TEX9: variants seen among roughly 807,000 people sequenced by gnomAD.
TEX9 encodes testis expressed 9.
In TEX9, 74 loss-of-function variants were observed where a neutral mutation model predicts 59.6. That is an observed-to-expected ratio of 1.24 (90% confidence interval 1.03 to 1.51). TEX9 has a LOEUF of 1.51. TEX9 is among the 40% of genes most tolerant of loss of function. The probability of loss-of-function intolerance (pLI) is 0.00; values close to 1 mark genes in which losing one functional copy is unlikely to be tolerated. For missense variants in TEX9, 522 were observed against 447.8 expected (o/e 1.17, Z -1.49); for synonymous variants, 186 against 152.2 (o/e 1.22, Z -1.64).
intron 12 of TEX9, among the ~76,000 whole-genome samples, chr15:56,441,571 A>C (rs1221157554): frequency 6.6e-6 from 1 of 152,242 alleles, no homozygotes; most frequent in Non-Finnish European, 1.5e-5. Flanking sequence ...GACCTAGTTA[A>C]ACTAAAGAGT....
intron 2 of TEX9, among the ~76,000 whole-genome samples, chr15:56,370,896 C>T (rs2047162786): frequency 6.6e-6 from 1 of 152,168 alleles, no homozygotes; most frequent in Non-Finnish European, 1.5e-5. Context: ...TGCTCTGTTG[C>T]CCAGGCTGGA....
intron 1 of TEX9, among the ~76,000 whole-genome samples, chr15:56,330,699 T>G (rs929494674): frequency 4.7e-5 from 7 of 149,380 alleles, no homozygotes; most frequent in Non-Finnish European, 8.9e-5. Context: ...AAGCAGGAAA[T>G]CAAATCATAC....
At chr15:56,300,708 G>GGGAGAGAGAGAGAGAGAGAGAGAGAGA (rs1160272154) in intron 1 of TEX9, among the ~76,000 whole-genome samples, 1 of 102,670 alleles carries the variant, frequency 9.7e-6, no homozygotes, top group East Asian at 3.6e-4. Context: ...AGAGAGAGAG[G>GGGAGAGAGAGAGAGAGAGAGAGAGAGA]GAGAGAGAGA....
At chr15:56,353,425 T>C (rs150697595) in intron 1 of TEX9, among the ~76,000 whole-genome samples, 21 of 152,266 alleles carry the variant, frequency 1.4e-4, no homozygotes, top group African/African-American at 4.3e-4. Flanking sequence ...TATAAAACCA[T>C]TGGGGAAAAA....
intron 1 of TEX9, among the ~76,000 whole-genome samples, chr15:56,276,955 A>C (rs552295836): frequency 6.6e-6 from 1 of 151,996 alleles, no homozygotes; most frequent in South Asian, 2.1e-4. Flanking sequence ...TGGCTGCATA[A>C]ATGTCTTCTT....
chr15:56,306,998 C>T (rs749552650), intron 1 of TEX9, among the ~76,000 whole-genome samples: 3 of 152,152 alleles, frequency 2.0e-5, no homozygotes, highest in Admixed American at 2.0e-4. Flanking sequence ...TCACTCATAT[C>T]CAGGGTAGTT....
Position 56,388,522 on chromosome 15 carries a change from T to A in TEX9, c.312+2T>A. 6.2e-7 allele frequency: 1 copy of A among 1,610,948 alleles called. No homozygotes were observed. The highest frequency in any genetic ancestry group is 8.5e-7 in the Non-Finnish European group (1 of 1,177,876). On this transcript the variant is annotated splice_donor_variant, in intron 5 of 12. Coordinates refer to ENST00000352903, the Ensembl canonical transcript of TEX9. LOFTEE classifies it high-confidence loss of function. ...GTTCATCTTCATTCAGAAACTAAGG[T>A]ATGAAATCAAACTTTCTGTGAATGC...
intron 1 of TEX9, among the ~76,000 whole-genome samples, chr15:56,252,405 A>G (rs2044044955): frequency 1.2e-5 from 1 of 82,630 alleles, no homozygotes; most frequent in South Asian, 3.4e-4. Flanking sequence ...TGTCCAGGCC[A>G]CAAAATAAAA....
At chr15:56,383,392 T>C (rs1432926743) in intron 3 of TEX9, among the ~76,000 whole-genome samples, 1 of 152,248 alleles carries the variant, frequency 6.6e-6, no homozygotes, top group Non-Finnish European at 1.5e-5. Context: ...CTTGTGATGA[T>C]GTTTTTGTGT....
downstream of TEX9, among the ~76,000 whole-genome samples, chr15:56,449,041 C>G (rs1225569045): frequency 6.6e-6 from 1 of 152,156 alleles, no homozygotes; most frequent in African/African-American, 2.4e-5. Context: ...AGGCATGAGC[C>G]ACCACACCCG....
chr15:56,294,891 C>T (rs1350273181), intron 1 of TEX9, among the ~76,000 whole-genome samples: 1 of 151,958 alleles, frequency 6.6e-6, no homozygotes, highest in African/African-American at 2.4e-5. Flanking sequence ...ACTAAGAGAC[C>T]AAGGTAGAGA....
intron 12 of TEX9, among the ~76,000 whole-genome samples, chr15:56,441,096 AGTTTGAAATATTTTTC>A (rs1430052700): frequency 2.6e-5 from 4 of 152,132 alleles, no homozygotes; most frequent in African/African-American, 7.2e-5. Context: ...TGAATCATTT[AGTTTGAAATATTTTTC>A]TAATTTCCAA....
chr15:56,307,231 A>G (rs535141462), intron 1 of TEX9, among the ~76,000 whole-genome samples: 1 of 152,286 alleles, frequency 6.6e-6, no homozygotes, highest in African/African-American at 2.4e-5. Flanking sequence ...ATCACAGGCC[A>G]CTGGTCTTTT....
At chr15:56,416,476 T>G (rs1007915186) in intron 10 of TEX9, among the ~76,000 whole-genome samples, 1 of 151,900 alleles carries the variant, frequency 6.6e-6, no homozygotes. Context: ...TAATCGTGGT[T>G]TTTGTCTTAA....
At chr15:56,407,929 G>T (rs2049155372) in intron 9 of TEX9, among the ~76,000 whole-genome samples, 1 of 152,158 alleles carries the variant, frequency 6.6e-6, no homozygotes, top group Non-Finnish European at 1.5e-5. Flanking sequence ...CTGCACTTGT[G>T]CACTGGATTC....
chr15:56,281,182 G>C (rs1334203252), intron 1 of TEX9, among the ~76,000 whole-genome samples: 1 of 152,202 alleles, frequency 6.6e-6, no homozygotes, highest in Non-Finnish European at 1.5e-5. Context: ...AAATATATTT[G>C]TGTTGCAGAA....
chr15:56,363,897 G>A (rs1203141405), upstream of TEX9, among the ~76,000 whole-genome samples: 1 of 146,516 alleles, frequency 6.8e-6, no homozygotes, highest in Non-Finnish European at 1.5e-5. Flanking sequence ...TGCCTTGGCT[G>A]GTCTGGAACT....
At chr15:56,260,071 A>G (rs2044229162) in intron 1 of TEX9, among the ~76,000 whole-genome samples, 1 of 152,138 alleles carries the variant, frequency 6.6e-6, no homozygotes. Context: ...ACATACAAAT[A>G]CAATAGATTT....
At chr15:56,412,009 T>C (rs2049377873) in intron 9 of TEX9, among the ~76,000 whole-genome samples, 1 of 152,088 alleles carries the variant, frequency 6.6e-6, no homozygotes, top group South Asian at 2.1e-4. Context: ...AGAGGACAGG[T>C]ATACTGTGTC....
Sources: allele counts gnomAD v4.1 joint callset (sites outside exome capture counted in the v4.1 genomes callset), GRCh38; gene constraint gnomAD v4.1.1; transcripts MANE v1.5; gene names NCBI Gene and HGNC (gene_info 2026-07-23, HGNC 2026-07-21).